Variants in SSUH2 observed in about 807,000 individuals in gnomAD.
The protein encoded by SSUH2 is ssu-2 homolog.
Under a neutral mutation model 55.3 loss-of-function variants are expected in SSUH2, and 47 were observed. That is an observed-to-expected ratio of 0.85 (90% CI 0.67 to 1.08). The LOEUF is 1.08. Among genes scored for constraint, SSUH2 ranks in the 50% least tolerant of loss-of-function variants. SSUH2 has a pLI of 0.00. For synonymous variants in SSUH2, 212 were observed against 191.5 expected (o/e 1.11, Z -0.89); for missense variants, 535 against 490.7 (o/e 1.09, Z -0.85).
intron 1 of SSUH2, among the ~76,000 whole-genome samples, chr3:8,640,396 C>A (rs1406759674): frequency 6.6e-6 from 1 of 152,186 alleles, no homozygotes; most frequent in East Asian, 1.9e-4. Context: ...ATATCACCCC[C>A]TCACCTAACC....
chr3:8,640,367 A>G (rs1012279732), intron 1 of SSUH2, among the ~76,000 whole-genome samples: 2 of 152,212 alleles, frequency 1.3e-5, no homozygotes, highest in Non-Finnish European at 2.9e-5. Context: ...ACTTCCTAGC[A>G]AGACCAGAAA....
upstream of SSUH2, among the ~76,000 whole-genome samples, chr3:8,648,931 G>A (rs1702054986): frequency 6.6e-6 from 1 of 151,998 alleles, no homozygotes; most frequent in African/African-American, 2.4e-5. Context: ...AGTGAGTGCT[G>A]GGCTGCCCTC....
chr3:8,643,634 T>TA (rs1308631779), intron 1 of SSUH2, among the ~76,000 whole-genome samples: 2 of 152,140 alleles, frequency 1.3e-5, no homozygotes, highest in Non-Finnish European at 2.9e-5. Context: ...GTCTAAAACT[T>TA]AAAGCTTTAA....
At chr3:8,646,564 G>A (rs1277550139), upstream of SSUH2, among the ~76,000 whole-genome samples, 1 of 152,172 alleles carries the variant, frequency 6.6e-6, no homozygotes, top group Admixed American at 6.5e-5. Flanking sequence ...TCACATAATA[G>A]TAAGTTAATA....
At chr3:8,635,224 G>T in intron 3 of SSUH2, 76 bp downstream of exon 3, 3 of 1,291,744 alleles carry the variant, frequency 2.3e-6, no homozygotes, top group Non-Finnish European at 3.2e-6. Context: ...CTGATGCACT[G>T]CCAGGGCTGA....
chr3:8,629,604 C>A, intron 7 of SSUH2, 60 bp downstream of exon 7: 3 of 794,254 alleles, frequency 3.8e-6, no homozygotes, highest in Non-Finnish European at 5.7e-6. Context: ...GCCCGCTGTC[C>A]CCAGGATCCC....
chr3:8,673,757 A>C (rs2136142), intron 3 of SSUH2, among the ~76,000 whole-genome samples: 49,010 of 152,066 alleles, frequency 0.32, 10,019 homozygotes, highest in African/African-American at 0.59. Context: ...CAGGAACCGA[A>C]CACCTGTTGG....
At chr3:8,680,853 C>T (rs765835794) in intron 1 of SSUH2, among the ~76,000 whole-genome samples, 32 of 151,992 alleles carry the variant, frequency 2.1e-4, no homozygotes, top group African/African-American at 7.0e-4. Flanking sequence ...TATGGGGAGC[C>T]GTATCTGTCT....
intron 2 of SSUH2, among the ~76,000 whole-genome samples, chr3:8,678,808 A>G (rs11715856): frequency 0.86 from 84,733 of 98,000 alleles, 39,575 homozygotes; most frequent in East Asian, 1. Context: ...CATCGCAGGG[A>G]GAGGAGGCGG....
chr3:8,626,331 G>A lies in SSUH2; in HGVS notation c.675-10C>T, dbSNP rs1697515088. On this transcript the variant is annotated splice_polypyrimidine_tract_variant and intron_variant, in intron 8 of 11. Transcript: ENST00000544814. The stretch of plus-strand genomic sequence containing the variant: ...TGAGCAAGTGCTGCATCTGAGAAAG[G>A]CACAGAGTCCGTACCCCCAGATCAG... 1.9e-6 allele frequency: 3 copies of A among 1,612,030 alleles called. No individual in the cohort carries two copies. Among genetic ancestry groups the A allele is most frequent in the African/African-American group, 2.7e-5 (2 of 74,992 alleles).
At chr3:8,680,928 A>T (rs1419731502) in intron 1 of SSUH2, among the ~76,000 whole-genome samples, 1 of 151,944 alleles carries the variant, frequency 6.6e-6, no homozygotes, top group Non-Finnish European at 1.5e-5. Context: ...AGGCTGGGTG[A>T]ACACTGCCTG....
upstream of SSUH2, chr3:8,644,875 A>G (rs1472058317): frequency 1.2e-6 from 1 of 846,798 alleles, no homozygotes; most frequent in Non-Finnish European, 1.9e-6. Context: ...ACCCAGTTGG[A>G]ATACAACAAA....
intron 3 of SSUH2, chr3:8,634,660 T>C (rs986993255): frequency 1.8e-6 from 2 of 1,123,808 alleles, no homozygotes; most frequent in Non-Finnish European, 1.2e-6. Flanking sequence ...GCATGGAAAG[T>C]GGGTGTCCAT....
intron 1 of SSUH2, among the ~76,000 whole-genome samples, chr3:8,642,476 T>C (rs183659057): frequency 6.6e-6 from 1 of 152,296 alleles, no homozygotes; most frequent in African/African-American, 2.4e-5. Flanking sequence ...GTCTCGACTA[T>C]AGAAATAGAA....
At chr3:8,671,643 A>C (rs1704576929) in intron 4 of SSUH2, among the ~76,000 whole-genome samples, 1 of 152,194 alleles carries the variant, frequency 6.6e-6, no homozygotes, top group Non-Finnish European at 1.5e-5. Context: ...CAACATGAAT[A>C]ACATTCCCCT....
intron 3 of SSUH2, among the ~76,000 whole-genome samples, chr3:8,673,714 A>G (rs968908844): frequency 6.6e-6 from 1 of 152,230 alleles, no homozygotes; most frequent in African/African-American, 2.4e-5. Flanking sequence ...GCTGATTATC[A>G]AAACCCCCAA....
chr3:8,619,672 A>C lies in SSUH2; in HGVS notation c.*196T>G. ...ATAGCTGAATTATTGTAGGTTAAAC[A>C]TATGAGTCATGGATTCCACCAGAGG... On this transcript the variant is annotated 3_prime_UTR_variant, in exon 12 of 12. Coordinates refer to ENST00000544814, the MANE Select transcript of SSUH2 (RefSeq NM_001256748.3). 1.8e-6 allele frequency: 1 copy of C among 541,890 alleles called. No homozygotes were observed. Among genetic ancestry groups the C allele is most frequent in the Non-Finnish European group, 3.2e-6 (1 of 311,794 alleles). 33.6% of individuals were successfully genotyped at this position (541,890 alleles called of 1,614,324 possible).
chr3:8,664,476 AT>A (rs113030578), intron 5 of SSUH2, among the ~76,000 whole-genome samples: 6,788 of 151,858 alleles, frequency 0.045, 211 homozygotes, highest in Middle Eastern at 0.072. Flanking sequence ...TTTCTGAGCA[AT>A]TTTTTTTTAC....
intron 5 of SSUH2, among the ~76,000 whole-genome samples, chr3:8,664,564 C>T (rs770913386): frequency 3.3e-5 from 5 of 152,122 alleles, no homozygotes; most frequent in Non-Finnish European, 7.3e-5. Flanking sequence ...GAAAATGCAC[C>T]CCATTTTGAG....
Sources: allele counts gnomAD v4.1 joint callset (sites outside exome capture counted in the v4.1 genomes callset), GRCh38; gene constraint gnomAD v4.1.1; transcripts MANE v1.5; gene names NCBI Gene and HGNC (gene_info 2026-07-23, HGNC 2026-07-21).